FSTL5: variants seen among roughly 807,000 people sequenced by gnomAD.
The protein encoded by FSTL5 is follistatin like 5, also known as follistatin-related protein 5.
FSTL5 carries 62 observed loss-of-function variants against 89.1 expected under a neutral mutation model. The observed-to-expected ratio is 0.70, with a 90% CI of 0.57 to 0.86. The LOEUF (loss-of-function observed/expected upper bound fraction) is 0.86. FSTL5 is among the 40% of genes least tolerant of loss of function. The probability of loss-of-function intolerance (pLI) is 0.00; values close to 1 mark genes in which losing one functional copy is unlikely to be tolerated. For missense variants in FSTL5, 1,057 were observed against 1,001.6 expected, an observed-to-expected ratio of 1.06 and a Z score of -0.75; for synonymous variants, 383 against 346.2, an observed-to-expected ratio of 1.11 and a Z score of -1.18.
At chr4:161,896,166 A>G (rs1247987603) in intron 4 of FSTL5, among the ~76,000 whole-genome samples, 1 of 152,224 alleles carries the variant, frequency 6.6e-6, no homozygotes, top group Admixed American at 6.5e-5. Flanking sequence ...AACGACTGCC[A>G]ATAACTACAT....
chr4:161,493,963 T>C (rs12641396), intron 12 of FSTL5, among the ~76,000 whole-genome samples: 26,202 of 152,086 alleles, frequency 0.17, 2,686 homozygotes, highest in African/African-American at 0.29. Context: ...GCTTACATAT[T>C]AAAGCTTAAG....
intron 2 of FSTL5, among the ~76,000 whole-genome samples, chr4:162,082,001 C>A (rs1020796872): frequency 4.0e-5 from 6 of 151,544 alleles, no homozygotes; most frequent in African/African-American, 1.5e-4. Flanking sequence ...TTGATTCCAA[C>A]GTTTAAAAAT....
chr4:161,973,796 G>T (rs1735553691), intron 3 of FSTL5, among the ~76,000 whole-genome samples: 1 of 152,012 alleles, frequency 6.6e-6, no homozygotes. Context: ...ATAAAGGTAG[G>T]GGCCAAGTCA....
intron 15 of FSTL5, among the ~76,000 whole-genome samples, chr4:161,399,441 T>G (rs945422357): frequency 2.6e-5 from 4 of 152,140 alleles, no homozygotes; most frequent in Admixed American, 1.3e-4. Context: ...CTTACAGTAC[T>G]GTACTATATT....
At chr4:162,105,360 C>T (rs116128436) in intron 2 of FSTL5, among the ~76,000 whole-genome samples, 246 of 152,184 alleles carry the variant, frequency 1.6e-3, no homozygotes, top group African/African-American at 5.6e-3. Context: ...CAAACATCTT[C>T]GTGATTTGAT....
intron 7 of FSTL5, among the ~76,000 whole-genome samples, chr4:161,623,864 C>T (rs952242721): frequency 6.6e-5 from 10 of 151,878 alleles, no homozygotes; most frequent in African/African-American, 2.2e-4. Flanking sequence ...ATTTAACATA[C>T]TTGAAATATT....
intron 13 of FSTL5, among the ~76,000 whole-genome samples, chr4:161,460,644 C>T (rs1733530436): frequency 2.0e-5 from 3 of 152,084 alleles, no homozygotes; most frequent in Non-Finnish European, 2.9e-5. Context: ...CATCTCTTTT[C>T]GAAAATAATG....
intron 7 of FSTL5, among the ~76,000 whole-genome samples, chr4:161,598,672 G>A (rs1253513136): frequency 1.3e-5 from 2 of 152,080 alleles, no homozygotes; most frequent in East Asian, 3.9e-4. Flanking sequence ...ACGATACCTA[G>A]ATAGCCATGT....
At chr4:161,659,184 A>AT (rs1182108992) in intron 6 of FSTL5, among the ~76,000 whole-genome samples, 2 of 152,176 alleles carry the variant, frequency 1.3e-5, no homozygotes, top group African/African-American at 4.8e-5. Context: ...TTTTCATGTT[A>AT]TGGCTACATT....
intron 2 of FSTL5, among the ~76,000 whole-genome samples, chr4:162,048,181 G>T (rs560015000): frequency 1.9e-4 from 29 of 151,908 alleles, no homozygotes; most frequent in Non-Finnish European, 4.1e-4. Context: ...ACAAAAATTA[G>T]CTGGGTGTGG....
At chr4:161,455,236 G>T in intron 14 of FSTL5, 108 bp from the exon 15 acceptor site, 2 of 765,096 alleles carry the variant, frequency 2.6e-6, no homozygotes, top group South Asian at 3.6e-5. Flanking sequence ...TGTTTGCATA[G>T]ACTTTATGCC....
chr4:162,137,667 A>C (rs1441155231), intron 1 of FSTL5, among the ~76,000 whole-genome samples: 1 of 152,154 alleles, frequency 6.6e-6, no homozygotes, highest in Non-Finnish European at 1.5e-5. Context: ...TTATTTACAA[A>C]TTTGCAAAAA....
At chr4:161,829,965 C>T (rs1730792863) in intron 4 of FSTL5, among the ~76,000 whole-genome samples, 1 of 151,960 alleles carries the variant, frequency 6.6e-6, no homozygotes, top group Non-Finnish European at 1.5e-5. Context: ...AGAATCAGAA[C>T]CATTTTTTGA....
chr4:161,430,681 A>T (rs1732329260), intron 15 of FSTL5, among the ~76,000 whole-genome samples: 1 of 152,214 alleles, frequency 6.6e-6, no homozygotes, highest in Non-Finnish European at 1.5e-5. Context: ...CGGAGCTTGC[A>T]GTGAGCCAAG....
intron 6 of FSTL5, among the ~76,000 whole-genome samples, chr4:161,659,439 C>T (rs1736632975): frequency 6.6e-6 from 1 of 152,072 alleles, no homozygotes; most frequent in South Asian, 2.1e-4. Context: ...CCATGCCCAT[C>T]TTTATTTGTC....
At chr4:161,551,015 G>T (rs188375166) in intron 8 of FSTL5, among the ~76,000 whole-genome samples, 1 of 151,922 alleles carries the variant, frequency 6.6e-6, no homozygotes, top group African/African-American at 2.4e-5. Flanking sequence ...CCAAGTCTTT[G>T]TTATTGTGAA....
intron 2 of FSTL5, among the ~76,000 whole-genome samples, chr4:162,076,408 C>A (rs997766973): frequency 2.6e-5 from 4 of 151,826 alleles, no homozygotes; most frequent in Admixed American, 6.6e-5. Context: ...GAGTGCAGGT[C>A]TGTTTGATTT....
chr4:162,081,878 C>A (rs770640520), intron 2 of FSTL5, among the ~76,000 whole-genome samples: 1 of 151,242 alleles, frequency 6.6e-6, no homozygotes, highest in African/African-American at 2.4e-5. Flanking sequence ...TCAATGATTT[C>A]TAAACAGAGC....
At chr4:161,547,247 A>T (rs775934884) in intron 8 of FSTL5, among the ~76,000 whole-genome samples, 2 of 152,018 alleles carry the variant, frequency 1.3e-5, no homozygotes, top group Non-Finnish European at 1.5e-5. Context: ...TGTTGATTGA[A>T]ATCTCAGAAA....
Sources: gnomAD v4.1 joint callset for allele counts (sites outside exome capture counted in the v4.1 genomes callset) on GRCh38, gnomAD v4.1.1 for gene constraint, MANE v1.5 for transcripts, NCBI Gene and HGNC (gene_info 2026-07-23, HGNC 2026-07-21) for gene names.